AGTPBP1: variants seen among roughly 807,000 people sequenced by gnomAD.
AGTPBP1 encodes cytosolic carboxypeptidase 1.
In AGTPBP1, 70 loss-of-function variants were observed where a neutral mutation model predicts 143.9. The observed-to-expected ratio is 0.49, with a 90% CI of 0.40 to 0.59. AGTPBP1 has a LOEUF of 0.59. Ranked by LOEUF, AGTPBP1 falls within the 20% of genes least tolerant of loss-of-function variation. The pLI, the probability that AGTPBP1 is intolerant of heterozygous loss-of-function variation, is 0.00. For missense variants in AGTPBP1, 1,229 were observed against 1,464.5 expected, an observed-to-expected ratio of 0.84 and a Z score of 2.62; for synonymous variants, 463 against 500.2, an observed-to-expected ratio of 0.93 and a Z score of 0.99.
the AGTPBP1 span, chr9:85,770,503 G>A: frequency 7.0e-7 from 1 of 1,422,080 alleles, no homozygotes; most frequent in Non-Finnish European, 9.9e-7. Context: ...TTGTTTTTGA[G>A]GGTCAGAATA....
intron 2 of AGTPBP1, 54 bp downstream of exon 2, chr9:85,712,448 C>T: frequency 1.1e-6 from 1 of 924,192 alleles, no homozygotes; most frequent in South Asian, 2.0e-5. Context: ...TCAAGTAATT[C>T]TGTCATACAT....
At chr9:85,738,063 A>C (rs1181582436) in intron 1 of AGTPBP1, among the ~76,000 whole-genome samples, 1 of 152,258 alleles carries the variant, frequency 6.6e-6, no homozygotes, top group South Asian at 2.1e-4. Context: ...TTTGTTTTAA[A>C]AAAAAGTTGT....
intron 1 of AGTPBP1, among the ~76,000 whole-genome samples, chr9:85,729,218 C>CT (rs1207599860): frequency 1.3e-5 from 2 of 152,116 alleles, no homozygotes; most frequent in Non-Finnish European, 2.9e-5. Context: ...AATGAAGCAG[C>CT]ATTACTCACA....
intron 3 of AGTPBP1, among the ~76,000 whole-genome samples, chr9:85,683,498 C>T (rs1835315134): frequency 6.6e-6 from 1 of 152,120 alleles, no homozygotes; most frequent in Non-Finnish European, 1.5e-5. Context: ...ATGCAGCCTC[C>T]CCTTGTTAAC....
intron 8 of AGTPBP1, among the ~76,000 whole-genome samples, 160 bp from the exon 9 acceptor site, chr9:85,661,133 T>A (rs144430778): frequency 6.6e-6 from 1 of 151,964 alleles, no homozygotes; most frequent in Non-Finnish European, 1.5e-5. Flanking sequence ...TCCGTATGCA[T>A]CTCTCTCTTC....
At chr9:85,724,479 C>A (rs1338373545) in intron 1 of AGTPBP1, among the ~76,000 whole-genome samples, 9 of 152,098 alleles carry the variant, frequency 5.9e-5, no homozygotes, top group Admixed American at 5.9e-4. Context: ...TATAAACTTA[C>A]AAATGCTCAA....
intron 1 of AGTPBP1, among the ~76,000 whole-genome samples, chr9:85,722,499 G>A (rs1420892909): frequency 3.9e-5 from 6 of 152,120 alleles, no homozygotes; most frequent in Non-Finnish European, 7.3e-5. Context: ...CGAGGTTCTC[G>A]TGCTGTGGTT....
intron 17 of AGTPBP1, among the ~76,000 whole-genome samples, chr9:85,605,680 T>A (rs533049741): frequency 9.9e-5 from 15 of 152,042 alleles, no homozygotes; most frequent in African/African-American, 3.6e-4. Context: ...AAAATAATGA[T>A]AAAACTTTTC....
chr9:85,708,383 T>A (rs541663592), intron 2 of AGTPBP1, among the ~76,000 whole-genome samples: 1 of 152,330 alleles, frequency 6.6e-6, no homozygotes, highest in East Asian at 1.9e-4. Flanking sequence ...TGTAACATAT[T>A]CACTGGTTCC....
chr9:85,655,830 C>G (rs1164590416), intron 10 of AGTPBP1, among the ~76,000 whole-genome samples: 1 of 151,448 alleles, frequency 6.6e-6, no homozygotes, highest in African/African-American at 2.4e-5. Flanking sequence ...TTTTTTGTTT[C>G]TTTGTTTTTG....
chr9:85,777,861 G>A, the AGTPBP1 span, among the ~76,000 whole-genome samples: 2 of 152,236 alleles, frequency 1.3e-5, no homozygotes, highest in African/African-American at 2.4e-5. Flanking sequence ...CAGGTGCACT[G>A]TTCGAAGTTC....
intron 24 of AGTPBP1, among the ~76,000 whole-genome samples, chr9:85,576,947 G>T (rs1411974731): frequency 4.0e-5 from 6 of 151,710 alleles, no homozygotes; most frequent in Admixed American, 2.0e-4. Context: ...AGAAAAATGA[G>T]TATTTATTAG....
the AGTPBP1 span, among the ~76,000 whole-genome samples, chr9:85,804,841 T>G: frequency 2.6e-5 from 4 of 152,180 alleles, no homozygotes; most frequent in Admixed American, 2.6e-4. Flanking sequence ...GCTACTGGAA[T>G]CTTGACTTGC....
At chr9:85,623,617 T>A (rs995439394) in intron 14 of AGTPBP1, among the ~76,000 whole-genome samples, 11 of 151,594 alleles carry the variant, frequency 7.3e-5, no homozygotes, top group Non-Finnish European at 1.5e-4. Flanking sequence ...ATTAGCTGGG[T>A]GTGGTGGCGG....
intron 25 of AGTPBP1, among the ~76,000 whole-genome samples, chr9:85,547,672 AG>A (rs914327961): frequency 1.3e-5 from 2 of 152,212 alleles, no homozygotes; most frequent in African/African-American, 4.8e-5. Flanking sequence ...AGTCCTTACA[AG>A]AAACTGTGAG....
intron 25 of AGTPBP1, among the ~76,000 whole-genome samples, chr9:85,548,565 C>G (rs1825852460): frequency 6.6e-6 from 1 of 151,982 alleles, no homozygotes; most frequent in African/African-American, 2.4e-5. Context: ...CTCAGGAGAA[C>G]AATTTCACAG....
intron 2 of AGTPBP1, among the ~76,000 whole-genome samples, chr9:85,696,211 G>A (rs1421064303): frequency 2.0e-5 from 3 of 152,114 alleles, no homozygotes; most frequent in Non-Finnish European, 2.9e-5. Context: ...ACAACTAATA[G>A]ATTTGTTGCT....
intron 2 of AGTPBP1, among the ~76,000 whole-genome samples, chr9:85,695,300 G>C (rs1022066494): frequency 6.6e-6 from 1 of 152,026 alleles, no homozygotes; most frequent in African/African-American, 2.4e-5. Flanking sequence ...ACTGGCCCTT[G>C]GGTGCTCAGG....
At chr9:85,802,526 G>A in the AGTPBP1 span, among the ~76,000 whole-genome samples, 1 of 152,144 alleles carries the variant, frequency 6.6e-6, no homozygotes, top group South Asian at 2.1e-4. Context: ...ACTTTACCAT[G>A]TTCTTTAGTC....
Sources: allele counts gnomAD v4.1 joint callset (sites outside exome capture counted in the v4.1 genomes callset), GRCh38; gene constraint gnomAD v4.1.1; transcripts MANE v1.5; gene names NCBI Gene and HGNC (gene_info 2026-07-23, HGNC 2026-07-21).